The following TMEM132C variants were observed in gnomAD, a reference collection of about 807,000 sequenced individuals.
The protein encoded by TMEM132C is transmembrane protein 132C, also known as protein phosphatase 1, regulatory subunit 152.
TMEM132C carries 29 observed loss-of-function variants against 61.4 expected under a neutral mutation model. The ratio of observed to expected loss-of-function variants is 0.47; its 90% CI spans 0.35 to 0.64. The LOEUF is 0.64. Among genes scored for constraint, TMEM132C ranks in the 30% least tolerant of loss-of-function variants. The pLI, the probability that TMEM132C is intolerant of heterozygous loss-of-function variation, is 0.00. For missense variants in TMEM132C, 1,408 were observed against 1,476.9 expected, an observed-to-expected ratio of 0.95 and a Z score of 0.76; for synonymous variants, 656 against 633.1, an observed-to-expected ratio of 1.04 and a Z score of -0.54.
intron 3 of TMEM132C, among the ~76,000 whole-genome samples, chr12:128,573,637 AAG>A (rs1874982583): frequency 6.6e-6 from 1 of 152,024 alleles, no homozygotes; most frequent in Non-Finnish European, 1.5e-5. Context: ...TTAAAAAAAA[AAG>A]AAGCCATAAC....
At chr12:128,284,271 G>A (rs192988204) in intron 1 of TMEM132C, among the ~76,000 whole-genome samples, 6 of 152,280 alleles carry the variant, frequency 3.9e-5, no homozygotes, top group African/African-American at 9.6e-5. Context: ...ACAGTCATTC[G>A]TGTTTAGGAG....
At chr12:128,389,886 G>A (rs1450675254) in intron 1 of TMEM132C, among the ~76,000 whole-genome samples, 4 of 152,174 alleles carry the variant, frequency 2.6e-5, no homozygotes, top group Non-Finnish European at 1.5e-5. Context: ...TTGTTTCATT[G>A]TGTTTTGTGT....
At chr12:128,607,533 A>G (rs1241960489) in intron 3 of TMEM132C, among the ~76,000 whole-genome samples, 1 of 152,108 alleles carries the variant, frequency 6.6e-6, no homozygotes, top group African/African-American at 2.4e-5. Flanking sequence ...CAGGTAAGAG[A>G]TGATGGTTGC....
intron 4 of TMEM132C, among the ~76,000 whole-genome samples, chr12:128,649,251 C>G (rs1954242932): frequency 6.6e-6 from 1 of 152,222 alleles, no homozygotes; most frequent in Non-Finnish European, 1.5e-5. Context: ...AGCCTGGCTT[C>G]CCCTCCAGCC....
chr12:128,427,787 CAG>C (rs1869246142), intron 2 of TMEM132C, among the ~76,000 whole-genome samples: 1 of 152,224 alleles, frequency 6.6e-6, no homozygotes, highest in African/African-American at 2.4e-5. Flanking sequence ...GTGCAGGAGA[CAG>C]AGGCCATCTC....
At chr12:128,626,933 C>T (rs1016594097) in intron 4 of TMEM132C, among the ~76,000 whole-genome samples, 1 of 152,214 alleles carries the variant, frequency 6.6e-6, no homozygotes, top group Non-Finnish European at 1.5e-5. Context: ...GCCCCACTGC[C>T]ACCCCAGCCT....
intron 2 of TMEM132C, among the ~76,000 whole-genome samples, chr12:128,515,677 C>CA (rs953382812): frequency 6.1e-4 from 93 of 151,736 alleles, no homozygotes; most frequent in Admixed American, 1.4e-3. Context: ...ACTAAAAATA[C>CA]AAAAAAAATT....
intron 1 of TMEM132C, among the ~76,000 whole-genome samples, chr12:128,345,783 T>C (rs1873141349): frequency 6.6e-6 from 1 of 152,178 alleles, no homozygotes; most frequent in African/African-American, 2.4e-5. Context: ...TTCTTGTAAA[T>C]TTGTTTAAGT....
intron 3 of TMEM132C, among the ~76,000 whole-genome samples, chr12:128,607,315 T>C (rs1376813960): frequency 6.6e-6 from 1 of 152,102 alleles, no homozygotes; most frequent in Non-Finnish European, 1.5e-5. Context: ...GTGGCACCAG[T>C]TAGGCTCAGC....
intron 1 of TMEM132C, among the ~76,000 whole-genome samples, chr12:128,281,798 G>A (rs1170776358): frequency 6.6e-6 from 1 of 152,166 alleles, no homozygotes. Context: ...CTGTTGGGTG[G>A]CCTCTGTTCA....
chr12:128,646,543 G>A (rs1019737123), intron 4 of TMEM132C, among the ~76,000 whole-genome samples: 11 of 151,518 alleles, frequency 7.3e-5, no homozygotes, highest in Non-Finnish European at 1.6e-4. Flanking sequence ...GTGTTTACTG[G>A]AGTCCATCAG....
chr12:128,466,392 G>A (rs1196708425), intron 2 of TMEM132C, among the ~76,000 whole-genome samples: 1 of 152,180 alleles, frequency 6.6e-6, no homozygotes, highest in African/African-American at 2.4e-5. Flanking sequence ...CAATTTAATG[G>A]CCAAGATTTA....
At chr12:128,701,792 C>T (rs1237550058) in intron 8 of TMEM132C, among the ~76,000 whole-genome samples, 1 of 152,108 alleles carries the variant, frequency 6.6e-6, no homozygotes, top group Non-Finnish European at 1.5e-5. Context: ...ATCTGCTGTT[C>T]GAACCACCCA....
At chr12:128,686,805 G>C (rs1456326275) in intron 5 of TMEM132C, among the ~76,000 whole-genome samples, 1 of 152,182 alleles carries the variant, frequency 6.6e-6, no homozygotes, top group African/African-American at 2.4e-5. Flanking sequence ...CACATAAAGC[G>C]AGCAGGTAAA....
chr12:128,562,964 C>A (rs1252072587), intron 3 of TMEM132C, among the ~76,000 whole-genome samples: 1 of 152,224 alleles, frequency 6.6e-6, no homozygotes, highest in Non-Finnish European at 1.5e-5. Flanking sequence ...AGCTCATCAC[C>A]ACCATGAACT....
At chr12:128,436,490 T>C (rs1869594776) in intron 2 of TMEM132C, among the ~76,000 whole-genome samples, 1 of 152,176 alleles carries the variant, frequency 6.6e-6, no homozygotes, top group Non-Finnish European at 1.5e-5. Flanking sequence ...GCAAAGGATA[T>C]GAACAGACAC....
At chr12:128,554,793 A>G (rs903846654) in intron 3 of TMEM132C, among the ~76,000 whole-genome samples, 6 of 152,090 alleles carry the variant, frequency 3.9e-5, no homozygotes, top group Non-Finnish European at 7.3e-5. Context: ...AGCAGATGCT[A>G]TAAACACGCA....
chr12:128,633,712 C>T (rs1436767249), intron 4 of TMEM132C, among the ~76,000 whole-genome samples: 9 of 152,118 alleles, frequency 5.9e-5, no homozygotes, highest in African/African-American at 1.9e-4. Flanking sequence ...GTCTTTAATT[C>T]CTGATTCTCA....
intron 4 of TMEM132C, among the ~76,000 whole-genome samples, chr12:128,648,064 T>G (rs1484742063): frequency 7.9e-5 from 12 of 151,390 alleles, no homozygotes; most frequent in Non-Finnish European, 1.8e-4. Context: ...TCCATCAGCA[T>G]TTGATGTGAG....
Sources: allele counts gnomAD v4.1 joint callset (sites outside exome capture counted in the v4.1 genomes callset), GRCh38; gene constraint gnomAD v4.1.1; transcripts MANE v1.5; gene names NCBI Gene and HGNC (gene_info 2026-07-23, HGNC 2026-07-21).